Variants in KLF12 observed in about 807,000 individuals in gnomAD.
KLF12 encodes KLF transcription factor 12, also known as Krueppel-like factor 12.
Under a neutral mutation model 37.8 loss-of-function variants are expected in KLF12, and 9 were observed. The ratio of observed to expected loss-of-function variants is 0.24; its 90% CI spans 0.14 to 0.42. KLF12 has a LOEUF of 0.42. Among genes scored for constraint, KLF12 ranks in the 10% least tolerant of loss-of-function variants. The probability of loss-of-function intolerance (pLI) is 1.00; values close to 1 mark genes in which losing one functional copy is unlikely to be tolerated. For synonymous variants in KLF12, 208 were observed against 202.1 expected, an observed-to-expected ratio of 1.03 and a Z score of -0.25; for missense variants, 411 against 516.0, an observed-to-expected ratio of 0.80 and a Z score of 1.97.
chr13:74,161,786 A>G, the KLF12 span, among the ~76,000 whole-genome samples: 1 of 152,176 alleles, frequency 6.6e-6, no homozygotes, highest in Non-Finnish European at 1.5e-5. Flanking sequence ...ATTAATTTTC[A>G]TTCCGCCTCA....
chr13:73,912,716 T>C (rs910076800), intron 3 of KLF12, among the ~76,000 whole-genome samples: 1 of 152,178 alleles, frequency 6.6e-6, no homozygotes, highest in African/African-American at 2.4e-5. Flanking sequence ...GACACCACGT[T>C]TGTGGTCATT....
At chr13:74,111,219 T>C (rs370298781) in intron 1 of KLF12, among the ~76,000 whole-genome samples, 1 of 152,058 alleles carries the variant, frequency 6.6e-6, no homozygotes, top group East Asian at 1.9e-4. Flanking sequence ...CCTTTTGCAT[T>C]AGCAAATTTT....
intron 1 of KLF12, among the ~76,000 whole-genome samples, chr13:74,101,809 A>C (rs1876363185): frequency 6.6e-6 from 1 of 152,178 alleles, no homozygotes; most frequent in Non-Finnish European, 1.5e-5. Flanking sequence ...ATGGGGAAAA[A>C]GGGAGAACTC....
intron 1 of KLF12, among the ~76,000 whole-genome samples, chr13:74,041,087 T>C (rs909071806): frequency 6.6e-6 from 1 of 152,194 alleles, no homozygotes; most frequent in African/African-American, 2.4e-5. Context: ...CACAAAGATA[T>C]CTTAGCTGAC....
intron 4 of KLF12, among the ~76,000 whole-genome samples, chr13:73,819,066 T>G (rs1174054890): frequency 6.6e-6 from 1 of 152,170 alleles, no homozygotes; most frequent in Non-Finnish European, 1.5e-5. Flanking sequence ...AGAATCCTCC[T>G]CCAACACATT....
the KLF12 span, among the ~76,000 whole-genome samples, chr13:74,163,122 C>T: frequency 3.3e-5 from 5 of 152,236 alleles, no homozygotes; most frequent in East Asian, 3.9e-4. Flanking sequence ...TACCCCTGTA[C>T]GCTGTTGGTG....
chr13:74,157,897 C>G, the KLF12 span, among the ~76,000 whole-genome samples: 1 of 152,220 alleles, frequency 6.6e-6, no homozygotes, highest in Non-Finnish European at 1.5e-5. Flanking sequence ...ACAACCAGCC[C>G]TCTTCTCTGC....
At chr13:74,259,629 A>T in the KLF12 span, 1 of 152,200 alleles carries the variant, frequency 6.6e-6, no homozygotes, top group Non-Finnish European at 1.5e-5. Flanking sequence ...CCCCAATTTA[A>T]GAATTTCTTT....
At chr13:73,901,874 G>A (rs1248152790) in intron 3 of KLF12, among the ~76,000 whole-genome samples, 4 of 152,154 alleles carry the variant, frequency 2.6e-5, no homozygotes, top group Non-Finnish European at 5.9e-5. Context: ...CTAAGGGACT[G>A]TAATCCTGTT....
the KLF12 span, among the ~76,000 whole-genome samples, chr13:74,275,795 T>TTTCC: frequency 0.038 from 3,263 of 85,186 alleles, 133 homozygotes; most frequent in East Asian, 0.065. Context: ...TCTTTCTTTC[T>TTTCC]TTCTTTCTTT....
intron 5 of KLF12, among the ~76,000 whole-genome samples, chr13:73,769,382 T>C (rs1040467053): frequency 6.6e-6 from 1 of 152,328 alleles, no homozygotes; most frequent in Middle Eastern, 3.4e-3. Context: ...ACATAAATTA[T>C]CACTCCATTC....
rs1177357959 is a variant in KLF12, at chr13:73,693,320, T to C, written c.*2170A>G. On this transcript the variant is annotated 3_prime_UTR_variant, in exon 8 of 8. Transcript: ENST00000377669. ...AGTTGCATATAGTACAAAAAAACTT[T>C]CCAGGTGCTAAAAAAAACCCACTGG... 6.6e-6 allele frequency: 1 copy of C among 152,102 alleles called. No homozygotes were observed. Among genetic ancestry groups the C allele is most frequent in the Non-Finnish European group, 1.5e-5 (1 of 68,018 alleles). 9.4% of individuals were successfully genotyped at this position (152,102 alleles called of 1,614,324 possible). A position where few individuals can be genotyped will look rare whatever the true frequency, so the allele number is the denominator to read the frequency against.
chr13:73,826,860 T>C (rs539376854), intron 4 of KLF12, among the ~76,000 whole-genome samples: 1 of 152,262 alleles, frequency 6.6e-6, no homozygotes, highest in Non-Finnish European at 1.5e-5. Flanking sequence ...CGGCTCACTG[T>C]AGACTTGATC....
At chr13:73,849,134 G>T (rs1885180822) in intron 3 of KLF12, among the ~76,000 whole-genome samples, 1 of 152,074 alleles carries the variant, frequency 6.6e-6, no homozygotes, top group South Asian at 2.1e-4. Flanking sequence ...ACATACTTGT[G>T]TTCCTCCTTT....
the KLF12 span, among the ~76,000 whole-genome samples, chr13:74,140,557 T>C: frequency 6.6e-6 from 1 of 152,212 alleles, no homozygotes; most frequent in African/African-American, 2.4e-5. Context: ...CCTGTGTTCT[T>C]GCTAGTATTG....
In KLF12 at chr13:74,031,693, TGATA is replaced by T. The variant is rs199936665; in HGVS notation, c.-31-36644_-31-36641del. Among the ~76,000 whole-genome samples, 938 of 152,244 alleles carry T rather than the reference TGATA, an allele frequency of 6.2e-3. 8 individuals carry two copies. Among genetic ancestry groups the T allele is most frequent in the African/African-American group, 0.021 (887 of 41,540 alleles). On this transcript the variant is annotated intron_variant, in intron 1 of 7. Coordinates refer to ENST00000377669, the MANE Select transcript of KLF12 (RefSeq NM_007249.5). Reference sequence around the variant, plus strand: ...CAAATAACTAAAATAGTTAATATCATGATAGATATTCCATGTTGCATAGATTAAA... The same window carrying T: ...CAAATAACTAAAATAGTTAATATCATGATATTCCATGTTGCATAGATTAAA...
chr13:73,766,831 G>T (rs986392199), intron 5 of KLF12, among the ~76,000 whole-genome samples: 1 of 152,264 alleles, frequency 6.6e-6, no homozygotes, highest in South Asian at 2.1e-4. Context: ...TGAAGAAAAA[G>T]AGAGTCTGTT....
chr13:73,926,535 G>A (rs558602140), intron 3 of KLF12, among the ~76,000 whole-genome samples: 227 of 151,916 alleles, frequency 1.5e-3, no homozygotes, highest in Non-Finnish European at 2.3e-3. Flanking sequence ...TGCAATATTT[G>A]CTTTATTGTG....
intron 6 of KLF12, among the ~76,000 whole-genome samples, chr13:73,716,081 C>A (rs999344843): frequency 7.9e-5 from 12 of 152,152 alleles, no homozygotes; most frequent in Non-Finnish European, 1.5e-4. Flanking sequence ...TGGTGAAACG[C>A]ACCTGACATT....
Sources: allele counts gnomAD v4.1 joint callset (sites outside exome capture counted in the v4.1 genomes callset), GRCh38; gene constraint gnomAD v4.1.1; transcripts MANE v1.5; gene names NCBI Gene and HGNC (gene_info 2026-07-23, HGNC 2026-07-21).